PBX1: variants seen among roughly 807,000 people sequenced by gnomAD.
PBX1 encodes pre-B-cell leukemia transcription factor 1.
In PBX1, 6 loss-of-function variants were observed where a neutral mutation model predicts 53.4. The ratio of observed to expected loss-of-function variants is 0.11; its 90% CI spans 0.06 to 0.22. PBX1 has a LOEUF of 0.22. Ranked by LOEUF, PBX1 falls within the 10% of genes least tolerant of loss-of-function variation. PBX1 has a pLI of 1.00. For missense variants in PBX1, 251 were observed against 551.4 expected, an observed-to-expected ratio of 0.46 and a Z score of 5.46; for synonymous variants, 204 against 212.3, an observed-to-expected ratio of 0.96 and a Z score of 0.34.
chr1:164,654,741 G>A (rs536412057), intron 2 of PBX1, among the ~76,000 whole-genome samples: 7 of 152,288 alleles, frequency 4.6e-5, no homozygotes, highest in Admixed American at 1.3e-4. Flanking sequence ...AGCATTTAAG[G>A]CCTATTCAGA....
At chr1:164,882,988 A>T (rs1043650986) in intron 2 of PBX1, among the ~76,000 whole-genome samples, 9 of 152,232 alleles carry the variant, frequency 5.9e-5, no homozygotes, top group Non-Finnish European at 1.3e-4. Flanking sequence ...GAGGAATTAT[A>T]AAAGCTACCG....
intron 2 of PBX1, among the ~76,000 whole-genome samples, chr1:164,719,456 A>G (rs573659235): frequency 6.6e-6 from 1 of 152,192 alleles, no homozygotes; most frequent in Non-Finnish European, 1.5e-5. Context: ...TAGGCTATTA[A>G]TTGGCTTTGT....
intron 2 of PBX1, among the ~76,000 whole-genome samples, chr1:164,758,401 C>T (rs183109196): frequency 8.5e-5 from 13 of 152,160 alleles, no homozygotes; most frequent in Admixed American, 5.2e-4. Context: ...AGCTGCAGGC[C>T]GACTCTGAAG....
At chr1:164,876,180 A>T (rs1470489138) in intron 2 of PBX1, among the ~76,000 whole-genome samples, 1 of 151,864 alleles carries the variant, frequency 6.6e-6, no homozygotes, top group Non-Finnish European at 1.5e-5. Context: ...TTGCAAATAG[A>T]GTGTTATGTA....
chr1:164,595,173 T>G lies in PBX1; in HGVS notation c.265+31862T>G, dbSNP rs548579580. On this transcript the variant is annotated intron_variant, in intron 2 of 8. Coordinates refer to ENST00000420696, the MANE Select transcript of PBX1 (RefSeq NM_002585.4). ...AGCTTTCTGATTCCTAAGAATTTCC[T>G]TACTCTACAAGAAATGGGATTTCTG... Among the ~76,000 whole-genome samples the G allele has an allele frequency of 2.0e-5, 3 of 152,346 alleles. No homozygotes were observed. The South Asian group carries it at 6.2e-4, about 32-fold the overall frequency.
intron 2 of PBX1, among the ~76,000 whole-genome samples, chr1:164,756,745 T>G (rs1251446036): frequency 6.6e-6 from 1 of 152,250 alleles, no homozygotes; most frequent in Non-Finnish European, 1.5e-5. Context: ...TTTAGTAGAC[T>G]CTGGGTGTCC....
At chr1:164,701,849 A>G (rs1663140984) in intron 2 of PBX1, among the ~76,000 whole-genome samples, 1 of 152,192 alleles carries the variant, frequency 6.6e-6, no homozygotes. Context: ...TTTTTATAAT[A>G]GCACCGATAT....
intron 2 of PBX1, among the ~76,000 whole-genome samples, chr1:164,616,746 T>C (rs1657306054): frequency 6.6e-6 from 1 of 152,232 alleles, no homozygotes; most frequent in African/African-American, 2.4e-5. Flanking sequence ...CTGAGATTAT[T>C]CCGTCCTTTT....
chr1:164,823,139 A>T (rs1230131330), intron 8 of PBX1, among the ~76,000 whole-genome samples: 1 of 152,180 alleles, frequency 6.6e-6, no homozygotes. Context: ...CATATTCTAG[A>T]CAATCATTTT....
At chr1:164,617,609 T>C (rs1389633050) in intron 2 of PBX1, among the ~76,000 whole-genome samples, 1 of 152,224 alleles carries the variant, frequency 6.6e-6, no homozygotes, top group Non-Finnish European at 1.5e-5. Flanking sequence ...GTTGTAAATC[T>C]CTCAGAGGGG....
chr1:164,732,547 T>C (rs1000448453), intron 2 of PBX1, among the ~76,000 whole-genome samples: 5 of 152,166 alleles, frequency 3.3e-5, no homozygotes, highest in Admixed American at 6.5e-5. Context: ...TTTCTTCAAA[T>C]GTATCTATTA....
rs141657032 is a variant in PBX1 at position 164,651,107 on chromosome 1, CCAA to C, written c.265+87799_265+87801del. Reference sequence around the variant, plus strand: ...AGGAGGGTGATGAATTCGGTTTCCACCAACATTAAACTGATAAATGAAATTTGT... The same window carrying C: ...AGGAGGGTGATGAATTCGGTTTCCACCATTAAACTGATAAATGAAATTTGT... On this transcript the variant is annotated intron_variant, in intron 2 of 8. Coordinates refer to ENST00000420696, the MANE Select transcript of PBX1 (RefSeq NM_002585.4). Among the ~76,000 whole-genome samples, 36 of 152,244 alleles carry C rather than the reference CCAA, an allele frequency of 2.4e-4. No homozygotes were observed. In the East Asian group the frequency reaches 7.0e-3, roughly 29 times the overall value.
chr1:164,692,034 C>T (rs192619675), intron 2 of PBX1, among the ~76,000 whole-genome samples: 116 of 152,266 alleles, frequency 7.6e-4, no homozygotes, highest in Admixed American at 7.3e-3. Context: ...GACACTATTA[C>T]GTATATGCAA....
At position 164,737,706 on chromosome 1, in the gene PBX1, C is replaced by T. The variant is rs576580118; in HGVS notation, c.266-54788C>T. Among the ~76,000 whole-genome samples the T allele has an allele frequency of 7.9e-5, 12 of 152,126 alleles. No individual in the cohort carries two copies. In the South Asian group the frequency reaches 1.9e-3, roughly 24 times the overall value. On this transcript the variant is annotated intron_variant, in intron 2 of 8. Coordinates refer to ENST00000420696, the MANE Select transcript of PBX1 (RefSeq NM_002585.4). ...GTTGGCCAGGCTGATCTCGAACTCCCGGCCTCAGGTGATCTGCCCGCCTTG... is the reference window on the plus strand; with the variant it reads ...GTTGGCCAGGCTGATCTCGAACTCCTGGCCTCAGGTGATCTGCCCGCCTTG...
downstream of PBX1, among the ~76,000 whole-genome samples, chr1:164,855,951 G>A (rs1463187615): frequency 1.3e-5 from 2 of 152,128 alleles, no homozygotes; most frequent in Non-Finnish European, 2.9e-5. Context: ...CTCCCCCTTG[G>A]TATTCATATA....
chr1:164,833,395 G>C (rs996289152), intron 8 of PBX1, among the ~76,000 whole-genome samples: 2 of 152,098 alleles, frequency 1.3e-5, no homozygotes, highest in African/African-American at 4.8e-5. Flanking sequence ...TCTCGTCATA[G>C]ATAAGATTGA....
At chr1:164,766,929 G>T (rs1571363860) in intron 2 of PBX1, among the ~76,000 whole-genome samples, 1 of 151,526 alleles carries the variant, frequency 6.6e-6, no homozygotes, top group Non-Finnish European at 1.5e-5. Flanking sequence ...GGGGTTTCAC[G>T]ATGTTGGTCA....
intron 2 of PBX1, among the ~76,000 whole-genome samples, chr1:164,783,077 C>A (rs1314122204): frequency 1.3e-5 from 2 of 152,192 alleles, no homozygotes; most frequent in Non-Finnish European, 2.9e-5. Flanking sequence ...CCAGAAGGGT[C>A]TTCCAGCCTC....
intron 2 of PBX1, among the ~76,000 whole-genome samples, chr1:164,786,720 T>TGTGTGTGTGTGTGTGTGC (rs1357886882): frequency 2.6e-5 from 3 of 116,294 alleles, no homozygotes; most frequent in African/African-American, 1.0e-4. Flanking sequence ...TGTGTGTGTG[T>TGTGTGTGTGTGTGTGTGC]GCGCGCGCAC....
Sources: allele counts gnomAD v4.1 joint callset (sites outside exome capture counted in the v4.1 genomes callset), GRCh38; gene constraint gnomAD v4.1.1; transcripts MANE v1.5; gene names NCBI Gene and HGNC (gene_info 2026-07-23, HGNC 2026-07-21).